Variants in CD28 observed in about 807,000 individuals in gnomAD.
CD28 encodes the protein CD28 molecule, also known as T-cell-specific surface glycoprotein CD28.
Under a neutral mutation model 21.4 loss-of-function variants are expected in CD28, and 8 were observed. The observed-to-expected ratio is 0.37, with a 90% CI of 0.22 to 0.68. The LOEUF (loss-of-function observed/expected upper bound fraction) is 0.68. Ranked by LOEUF, CD28 falls within the 30% of genes least tolerant of loss-of-function variation. The probability of loss-of-function intolerance (pLI) is 0.55; values close to 1 mark genes in which losing one functional copy is unlikely to be tolerated. For synonymous variants in CD28, 106 were observed against 104.0 expected (o/e 1.02, Z -0.12); for missense variants, 239 against 272.2 (o/e 0.88, Z 0.86).
rs761959813 is a variant in CD28 at position 203,729,682 on chromosome 2, A to G, written c.444A>G (p.Gly148=). 6.2e-7 allele frequency: 1 copy of G among 1,613,972 alleles called. No individual in the cohort carries two copies. Among genetic ancestry groups the G allele is most frequent in the Non-Finnish European group, 8.5e-7 (1 of 1,179,936 alleles). The change falls in exon 3 of 4, where the codon GGA becomes GGG. Residue 148 remains glycine (G), a synonymous_variant. Transcript: ENST00000324106. The part of the protein sequence containing the change: ...KHLCPSPLFP[G]PSKPFWVLVV... ...TTTGTCCAAGTCCCCTATTTCCCGG[A>G]CCTTCTAAGCCCTTTTGGGTGCTGG...
intron 1 of CD28, among the ~76,000 whole-genome samples, chr2:203,711,907 A>G (rs144101829): frequency 6.7e-4 from 102 of 152,338 alleles, no homozygotes; most frequent in African/African-American, 2.1e-3. Context: ...AAAAAGAAAT[A>G]TAGGCCGGAT....
chr2:203,721,233 T>A (rs55730955), intron 1 of CD28, among the ~76,000 whole-genome samples: 13,163 of 152,220 alleles, frequency 0.086, 1,141 homozygotes, highest in East Asian at 0.51. Flanking sequence ...ATTGGATGGC[T>A]TTTCCTCAAA....
intron 3 of CD28, among the ~76,000 whole-genome samples, chr2:203,731,351 T>G (rs935316500): frequency 6.6e-6 from 1 of 152,216 alleles, no homozygotes; most frequent in African/African-American, 2.4e-5. Context: ...TTTTTAGAAT[T>G]CTTAGTTCTT....
chr2:203,716,201 C>T (rs1693458516), intron 1 of CD28, among the ~76,000 whole-genome samples: 1 of 152,194 alleles, frequency 6.6e-6, no homozygotes. Context: ...AATAAACTCT[C>T]ACACTAAGGT....
Position 203,726,616 on chromosome 2 carries a change from A to AT in CD28, c.53-8dup, listed in dbSNP as rs375146937. ...CTTATATTCTTGTTCTAAGCAAATG[A>AT]TTTTTTTTTCCCCCAGGAAACAAGA... On this transcript the variant is annotated splice_polypyrimidine_tract_variant and intron_variant, in intron 1 of 3. Transcript: ENST00000324106. 2.6e-4 allele frequency: 409 copies of AT among 1,555,696 alleles called. No individual in the cohort carries two copies. Among genetic ancestry groups the AT allele is most frequent in the Non-Finnish European group, 2.9e-4 (329 of 1,136,916 alleles).
At chr2:203,719,250 T>C (rs566212652) in intron 1 of CD28, among the ~76,000 whole-genome samples, 5 of 152,196 alleles carry the variant, frequency 3.3e-5, no homozygotes, top group Non-Finnish European at 5.9e-5. Flanking sequence ...TTCTCTTTTT[T>C]TCCCCCCAAT....
At chr2:203,717,468 C>G (rs1033042177) in intron 1 of CD28, among the ~76,000 whole-genome samples, 1 of 152,292 alleles carries the variant, frequency 6.6e-6, no homozygotes, top group East Asian at 1.9e-4. Flanking sequence ...TCTGCTGCTG[C>G]AAGTCACAGG....
rs892934327 is a variant in CD28 at position 203,737,654 on chromosome 2, T to C, written c.*2742T>C. 2.0e-5 allele frequency: 3 copies of C among 152,778 alleles called. No homozygotes were observed. The highest frequency in any genetic ancestry group is 4.8e-5 in the African/African-American group (2 of 41,582). 9.5% of individuals were successfully genotyped at this position (152,778 alleles called of 1,614,324 possible). On this transcript the variant is annotated 3_prime_UTR_variant, in exon 4 of 4. Coordinates refer to ENST00000324106, the MANE Select transcript of CD28 (RefSeq NM_006139.4). ...AGCAATGCTTTCATAGTTTCAGATA[T>C]GGTAGTTATGAAGAAAACAATGTCA...
chr2:203,724,451 C>A (rs1485799704), intron 1 of CD28, among the ~76,000 whole-genome samples: 1 of 152,176 alleles, frequency 6.6e-6, no homozygotes, highest in Non-Finnish European at 1.5e-5. Flanking sequence ...TCCTTCCCCC[C>A]AGCCTAGACC....
intron 1 of CD28, among the ~76,000 whole-genome samples, chr2:203,718,892 T>C (rs1472436524): frequency 6.6e-6 from 1 of 152,248 alleles, no homozygotes; most frequent in Non-Finnish European, 1.5e-5. Flanking sequence ...TAAGCTAGAA[T>C]GGAAGATCTC....
rs755572170 is a variant in CD28, at chr2:203,729,764, A to T, written c.526A>T (p.Ile176Phe). The change falls in exon 3 of 4, where the codon ATT (isoleucine) becomes TTT (phenylalanine). Residue 176 changes from isoleucine to phenylalanine, a missense_variant. Physicochemically the swap from Ile to Phe is conservative, Grantham distance 21 (BLOSUM62 0). This residue lies in a region of CD28 where 112 missense variants were observed against 112.8 expected (regional missense o/e 0.99). Coordinates refer to ENST00000324106, the MANE Select transcript of CD28 (RefSeq NM_006139.4). The part of the protein sequence containing the change: ...YSLLVTVAFI[I>F]FWVRSKRSRL... Reference sequence around the variant, plus strand: ...CTTGCTAGTAACAGTGGCCTTTATTATTTTCTGGGTAAGAGAAGCAGCACT... The same window carrying T: ...CTTGCTAGTAACAGTGGCCTTTATTTTTTTCTGGGTAAGAGAAGCAGCACT... 1.8e-5 allele frequency: 29 copies of T among 1,613,202 alleles called. No individual in the cohort carries two copies. The highest frequency in any genetic ancestry group is 2.3e-5 in the Non-Finnish European group (27 of 1,179,736).
At chr2:203,731,673 T>C (rs1693897874) in intron 3 of CD28, among the ~76,000 whole-genome samples, 1 of 152,180 alleles carries the variant, frequency 6.6e-6, no homozygotes, top group African/African-American at 2.4e-5. Context: ...GTGACTTGAG[T>C]CACCCAAAGG....
intron 1 of CD28, among the ~76,000 whole-genome samples, chr2:203,718,751 G>A (rs1046396378): frequency 6.6e-6 from 1 of 152,094 alleles, no homozygotes; most frequent in Non-Finnish European, 1.5e-5. Flanking sequence ...ATAAAGAAAA[G>A]GAAAAACTAT....
intron 1 of CD28, among the ~76,000 whole-genome samples, chr2:203,707,345 G>A (rs576722544): frequency 3.1e-4 from 47 of 151,876 alleles, no homozygotes; most frequent in Non-Finnish European, 6.3e-4. Context: ...CTGTAAAGTG[G>A]GAATAATAAT....
intron 1 of CD28, among the ~76,000 whole-genome samples, chr2:203,712,011 G>A (rs1355427978): frequency 6.6e-6 from 1 of 152,114 alleles, no homozygotes; most frequent in African/African-American, 2.4e-5. Flanking sequence ...GGCCAATATG[G>A]TGAAACCCCA....
intron 3 of CD28, among the ~76,000 whole-genome samples, chr2:203,733,878 A>C (rs1693959931): frequency 6.6e-6 from 1 of 152,216 alleles, no homozygotes; most frequent in Non-Finnish European, 1.5e-5. Flanking sequence ...GAAGGTGTGA[A>C]GTGCTCAGGC....
chr2:203,730,766 T>C (rs1292702179), intron 3 of CD28, among the ~76,000 whole-genome samples: 2 of 152,234 alleles, frequency 1.3e-5, no homozygotes, highest in East Asian at 1.9e-4. Flanking sequence ...AGAGGTCAAA[T>C]TAAGGATTTA....
At chr2:203,734,696 C>G in intron 3 of CD28, 88 bp from the exon 4 acceptor site, 1 of 1,494,036 alleles carries the variant, frequency 6.7e-7, no homozygotes, top group East Asian at 2.3e-5. Flanking sequence ...TGTCATTTGA[C>G]AGTTAATATT....
chr2:203,720,278 T>C (rs1387080502), intron 1 of CD28, among the ~76,000 whole-genome samples: 1 of 152,208 alleles, frequency 6.6e-6, no homozygotes, highest in African/African-American at 2.4e-5. Flanking sequence ...TAGGAAAGGC[T>C]TTGAAAAGCA....
Sources: allele counts gnomAD v4.1 joint callset (sites outside exome capture counted in the v4.1 genomes callset), GRCh38; gene constraint gnomAD v4.1.1; regional missense constraint gnomAD v4.1.1; transcripts MANE v1.5; gene names NCBI Gene and HGNC (gene_info 2026-07-23, HGNC 2026-07-21).